The following CRACR2A variants were observed in gnomAD, a reference collection of about 807,000 sequenced individuals.
CRACR2A encodes the protein EF-hand calcium-binding domain-containing protein 4B.
In CRACR2A, 79 loss-of-function variants were observed where a neutral mutation model predicts 90.5. That is an observed-to-expected ratio of 0.87 (90% confidence interval 0.73 to 1.05). CRACR2A has a LOEUF of 1.05. Ranked by LOEUF, CRACR2A falls within the 50% of genes least tolerant of loss-of-function variation. The probability of loss-of-function intolerance (pLI) is 0.00; values close to 1 mark genes in which losing one functional copy is unlikely to be tolerated. For synonymous variants in CRACR2A, 338 were observed against 356.7 expected (o/e 0.95, Z 0.59); for missense variants, 823 against 897.2 (o/e 0.92, Z 1.06).
At chr12:3,676,749 G>GT (rs11409528) in intron 6 of CRACR2A, among the ~76,000 whole-genome samples, 79,346 of 151,878 alleles carry the variant, frequency 0.52, 20,991 homozygotes, top group South Asian at 0.67. Flanking sequence ...ATCTATGGCA[G>GT]GTATTACAGC....
chr12:3,702,870 T>G (rs1250708995), intron 3 of CRACR2A, among the ~76,000 whole-genome samples: 4 of 152,132 alleles, frequency 2.6e-5, no homozygotes, highest in Non-Finnish European at 5.9e-5. Context: ...AGACAAACAC[T>G]ACCTGATTTC....
chr12:3,619,460 C>G, intron 17 of CRACR2A, 88 bp from the exon 18 acceptor site: 1 of 1,039,052 alleles, frequency 9.6e-7, no homozygotes, highest in Non-Finnish European at 1.4e-6. Context: ...ACAGATGGGA[C>G]CTCGCTTGAG....
intron 2 of CRACR2A, among the ~76,000 whole-genome samples, chr12:3,724,357 CTGCTTTCATGGGCAT>C (rs1230742798): frequency 6.6e-6 from 1 of 152,212 alleles, no homozygotes; most frequent in Non-Finnish European, 1.5e-5. Flanking sequence ...AGCGAGGACT[CTGCTTTCATGGGCAT>C]TGTTAATGAA....
intron 7 of CRACR2A, among the ~76,000 whole-genome samples, chr12:3,661,600 A>G (rs1168721595): frequency 6.6e-6 from 1 of 152,260 alleles, no homozygotes; most frequent in South Asian, 2.1e-4. Flanking sequence ...TTGGAGGGAA[A>G]GTAAGGAAAA....
chr12:3,721,585 C>CAAAA lies in CRACR2A; in HGVS notation c.-117-8272_-117-8269dup, dbSNP rs60808773. Among the ~76,000 whole-genome samples, 146 of 113,692 alleles carry CAAAA rather than the reference C, an allele frequency of 1.3e-3. 1 individual carries two copies. In the Middle Eastern group the frequency reaches 0.021, roughly 16 times the overall value. 74.6% of individuals were successfully genotyped at this position (113,692 alleles called of 152,430 possible). Reference sequence around the variant, plus strand: ...GGGCAACAGAGTCTCAATCATGTCTCAAAAAAAAAAAAAAAAAGTGAGTGA... The same window carrying CAAAA: ...GGGCAACAGAGTCTCAATCATGTCTCAAAAAAAAAAAAAAAAAAAAAGTGAGTGA... On this transcript the variant is annotated intron_variant, in intron 2 of 19. Transcript: ENST00000440314.
chr12:3,680,339 T>G lies in CRACR2A; in HGVS notation c.239A>C (p.Lys80Thr). ...TTCCTCCAGGCTGAGCGGTAGCTCC[T>G]TATGCAGCCTCTGAAAACAACCCAG... ...IARKDMQRLHKELPLSLEELE... is the reference protein window; with the variant it reads ...IARKDMQRLHTELPLSLEELE... Residue 80 changes from lysine to threonine, a missense_variant, in exon 5 of 20, where the codon AAG becomes ACG. Transcript: ENST00000440314. 6.2e-7 allele frequency: 1 copy of G among 1,613,802 alleles called. No individual in the cohort carries two copies. Among genetic ancestry groups the G allele is most frequent in the Non-Finnish European group, 8.5e-7 (1 of 1,179,738 alleles).
At chr12:3,694,045 G>A (rs1043795218) in intron 4 of CRACR2A, among the ~76,000 whole-genome samples, 2 of 152,144 alleles carry the variant, frequency 1.3e-5, no homozygotes, top group African/African-American at 4.8e-5. Flanking sequence ...GTTGTTGGGG[G>A]CTGGGAATGA....
rs1295406691 is a variant in CRACR2A at position 3,746,656 on chromosome 12, A to C, written c.-387+6359T>G. 1.3e-5 allele frequency among the ~76,000 whole-genome samples: 2 copies of C among 152,258 alleles called. No individual in the cohort carries two copies. The highest frequency in any genetic ancestry group is 6.8e-3 in the Middle Eastern group (2 of 294). On this transcript the variant is annotated intron_variant, in intron 1 of 19. Transcript: ENST00000440314. The surrounding 1 kb of genome is among the most constrained non-coding windows in gnomAD (Gnocchi z 4.4). ...AGTATGCATGCCTACTACAGGGACC[A>C]CCCCTCTCTTCTTAGACCAGACCCC...
At chr12:3,681,420 CAATT>C (rs1945449404) in intron 4 of CRACR2A, among the ~76,000 whole-genome samples, 1 of 152,190 alleles carries the variant, frequency 6.6e-6, no homozygotes, top group Admixed American at 6.5e-5. Flanking sequence ...GGGCAGAGAA[CAATT>C]AATAGGCCCA....
At chr12:3,730,398 T>C (rs373533648) in intron 2 of CRACR2A, 37 of 152,302 alleles carry the variant, frequency 2.4e-4, no homozygotes, top group African/African-American at 8.9e-4. Flanking sequence ...ACCCAACCAG[T>C]TGTCCACATA....
intron 3 of CRACR2A, 124 bp from the exon 4 acceptor site, chr12:3,697,159 A>C (rs781764204): frequency 6.1e-5 from 73 of 1,193,646 alleles, no homozygotes; most frequent in Non-Finnish European, 7.5e-5. Context: ...TCTCTTAGCA[A>C]CTACCTCTTA....
At chr12:3,653,681 G>A (rs1428137117) in intron 10 of CRACR2A, among the ~76,000 whole-genome samples, 1 of 152,082 alleles carries the variant, frequency 6.6e-6, no homozygotes, top group African/African-American at 2.4e-5. Flanking sequence ...GGAACATGGT[G>A]AAAAAAATGG....
chr12:3,686,096 A>G (rs1260139031), intron 4 of CRACR2A, among the ~76,000 whole-genome samples: 1 of 152,214 alleles, frequency 6.6e-6, no homozygotes, highest in African/African-American at 2.4e-5. Flanking sequence ...ACTGTAGCCT[A>G]GAGGGGTTAA....
chr12:3,696,832 C>T lies in CRACR2A; in HGVS notation c.168G>A (p.Gln56=), dbSNP rs1267444973. The part of the protein sequence containing the change: ...SGQLVMLRKA[Q]EFFQTCDAEG... ...CAGCATCACAGGTCTGAAAGAACTCCTGTGCCTTCCTCAGCATGACTAGCT... is the reference window on the plus strand; with the variant it reads ...CAGCATCACAGGTCTGAAAGAACTCTTGTGCCTTCCTCAGCATGACTAGCT... Residue 56 remains glutamine, a synonymous_variant, in exon 4 of 20, where the codon CAG becomes CAA. Coordinates refer to ENST00000440314, the MANE Select transcript of CRACR2A (RefSeq NM_001144958.2). 2 of 1,614,112 alleles carry T rather than the reference C, an allele frequency of 1.2e-6. No homozygotes were observed. Among genetic ancestry groups the T allele is most frequent in the East Asian group, 4.5e-5 (2 of 44,896 alleles).
chr12:3,624,802 C>T (rs4766148), intron 17 of CRACR2A, among the ~76,000 whole-genome samples: 14,217 of 152,256 alleles, frequency 0.093, 713 homozygotes, highest in Middle Eastern at 0.16. Context: ...GACCCCAGTC[C>T]CGACCTGCTG....
rs56412036 is a variant in CRACR2A, at chr12:3,733,872, GACACACACACACACAC to G, written c.-386-678_-386-663del. ...AACCACAACATTCCCAAATTTTCAG[GACACACACACACACAC>G]ACACACACACACACACACACACACT... On this transcript the variant is annotated intron_variant, in intron 1 of 19. Coordinates refer to ENST00000440314, the MANE Select transcript of CRACR2A (RefSeq NM_001144958.2). Among the ~76,000 whole-genome samples, 39 of 136,176 alleles carry G rather than the reference GACACACACACACACAC, an allele frequency of 2.9e-4. No homozygotes were observed. In the East Asian group the frequency reaches 3.9e-3, roughly 14 times the overall value. 89.3% of individuals were successfully genotyped at this position (136,176 alleles called of 152,430 possible). A position where few individuals can be genotyped will look rare whatever the true frequency, so the allele number is the denominator to read the frequency against.
At chr12:3,685,744 C>T (rs1442405653) in intron 4 of CRACR2A, among the ~76,000 whole-genome samples, 1 of 152,108 alleles carries the variant, frequency 6.6e-6, no homozygotes, top group Non-Finnish European at 1.5e-5. Flanking sequence ...GAAATGAGGA[C>T]ATTGTTTTAC....
chr12:3,626,411 C>T (rs1016003125), intron 17 of CRACR2A, among the ~76,000 whole-genome samples: 3 of 152,216 alleles, frequency 2.0e-5, no homozygotes, highest in East Asian at 1.9e-4. Context: ...TTAGGCAGCA[C>T]GGAGTCCAGT....
chr12:3,649,540 G>A (rs574490811), intron 10 of CRACR2A, among the ~76,000 whole-genome samples: 1 of 152,290 alleles, frequency 6.6e-6, no homozygotes, highest in East Asian at 1.9e-4. Flanking sequence ...CAGCTGTAAT[G>A]CAGAGATTGA....
Sources: gnomAD v4.1 joint callset for allele counts (sites outside exome capture counted in the v4.1 genomes callset) on GRCh38, gnomAD v4.1.1 for gene constraint, Gnocchi (gnomAD v3.1) non-coding constraint, MANE v1.5 for transcripts, NCBI Gene and HGNC (gene_info 2026-07-23, HGNC 2026-07-21) for gene names.